Variants in IDO2 observed in about 807,000 individuals in gnomAD.
IDO2 encodes the protein indoleamine 2,3-dioxygenase-like 1 protein.
In IDO2, 46 loss-of-function variants were observed where a neutral mutation model predicts 45.1. The ratio of observed to expected loss-of-function variants is 1.02; its 90% CI spans 0.80 to 1.30. The LOEUF is 1.30. Ranked by LOEUF, IDO2 falls within the 50% of genes most tolerant of loss-of-function variation. The pLI is 0.00. For missense variants in IDO2, 544 were observed against 491.8 expected (o/e 1.11, Z -1.00); for synonymous variants, 218 against 184.9 (o/e 1.18, Z -1.45).
At chr8:39,967,373 G>A (rs1296540124) in intron 3 of IDO2, among the ~76,000 whole-genome samples, 3 of 152,122 alleles carry the variant, frequency 2.0e-5, no homozygotes, top group East Asian at 3.9e-4. Flanking sequence ...ATAAAATTGT[G>A]AATTTTCTAG....
At chr8:39,968,078 CAAA>C (rs35600937) in intron 3 of IDO2, among the ~76,000 whole-genome samples, 2 of 139,218 alleles carry the variant, frequency 1.4e-5, no homozygotes, top group Non-Finnish European at 1.6e-5. Context: ...TCATAATCAC[CAAA>C]AAAAAAAAAA....
At chr8:39,968,717 G>A (rs912279770) in intron 3 of IDO2, among the ~76,000 whole-genome samples, 1 of 151,896 alleles carries the variant, frequency 6.6e-6, no homozygotes, top group African/African-American at 2.4e-5. Context: ...TTGTGGGGTG[G>A]GGGGCTAGGG....
chr8:40,013,837 C>T (rs566709191), intron 10 of IDO2, 124 bp downstream of exon 10: 346 of 746,598 alleles, frequency 4.6e-4, no homozygotes, highest in Admixed American at 2.3e-3. Flanking sequence ...TTCTCTAAGT[C>T]AGCCAAGAAA....
At chr8:39,978,270 TTCGGACC>T (rs1808291912) in intron 3 of IDO2, among the ~76,000 whole-genome samples, 1 of 152,096 alleles carries the variant, frequency 6.6e-6, no homozygotes, top group Admixed American at 6.5e-5. Context: ...TTTCTGGCGC[TTCGGACC>T]CGGGAGGGGA....
chr8:39,990,834 C>A (rs1242197846), intron 8 of IDO2, among the ~76,000 whole-genome samples: 1 of 152,156 alleles, frequency 6.6e-6, no homozygotes, highest in East Asian at 1.9e-4. Context: ...CCTTCCTGGA[C>A]CGGTTACATC....
intron 3 of IDO2, among the ~76,000 whole-genome samples, chr8:39,976,581 C>T (rs1808262367): frequency 6.6e-6 from 1 of 152,132 alleles, no homozygotes; most frequent in Non-Finnish European, 1.5e-5. Flanking sequence ...TTATAAGATG[C>T]ATTTCAAAGT....
intron 9 of IDO2, among the ~76,000 whole-genome samples, chr8:40,011,142 C>G (rs1030292565): frequency 8.5e-5 from 13 of 152,166 alleles, no homozygotes; most frequent in Admixed American, 5.9e-4. Context: ...AACTCCTGAC[C>G]TCAATCGATC....
chr8:39,976,497 GGT>G (rs1322049250), intron 3 of IDO2, among the ~76,000 whole-genome samples: 1 of 152,098 alleles, frequency 6.6e-6, no homozygotes, highest in Non-Finnish European at 1.5e-5. Flanking sequence ...CTACTCTTTA[GGT>G]TGTAAATAGA....
At chr8:39,989,869 C>G (rs1182915980) in intron 8 of IDO2, 31 bp downstream of exon 8, 2 of 1,467,372 alleles carry the variant, frequency 1.4e-6, no homozygotes, top group Non-Finnish European at 1.9e-6. Flanking sequence ...CTGAAGGATC[C>G]CCCAGGGGTC....
intron 2 of IDO2, among the ~76,000 whole-genome samples, chr8:39,960,908 G>A (rs945997607): frequency 2.0e-5 from 3 of 152,058 alleles, no homozygotes; most frequent in Non-Finnish European, 4.4e-5. Context: ...TCAGCCTCCC[G>A]AGTAGCTGGG....
chr8:40,013,466 A>G (rs1469158967), intron 9 of IDO2, 99 bp from the exon 10 acceptor site: 37 of 1,202,138 alleles, frequency 3.1e-5, no homozygotes, highest in Non-Finnish European at 4.1e-5. Flanking sequence ...TACCATTGAA[A>G]TCATGTTCCC....
intron 2 of IDO2, among the ~76,000 whole-genome samples, chr8:39,954,380 T>C (rs147602568): frequency 1.2e-3 from 177 of 152,318 alleles, no homozygotes; most frequent in South Asian, 1.9e-3. Context: ...ATCTTCAAGA[T>C]TGTGAAGTCA....
At chr8:39,940,074 C>A (rs1807620791) in intron 1 of IDO2, among the ~76,000 whole-genome samples, 1 of 152,178 alleles carries the variant, frequency 6.6e-6, no homozygotes. Flanking sequence ...CCCAGCCTTA[C>A]TGTTACGAAA....
At chr8:39,988,954 G>C (rs1012519612) in intron 7 of IDO2, among the ~76,000 whole-genome samples, 11 of 152,138 alleles carry the variant, frequency 7.2e-5, no homozygotes, top group Admixed American at 3.3e-4. Flanking sequence ...CAGCAGAGGG[G>C]ATTCTAGAGC....
intron 2 of IDO2, among the ~76,000 whole-genome samples, chr8:39,961,721 G>A (rs1052277891): frequency 2.6e-5 from 4 of 152,140 alleles, no homozygotes; most frequent in Admixed American, 2.0e-4. Flanking sequence ...GTAATTTAAT[G>A]TCAATATATT....
exon 11 of IDO2, chr8:40,015,853 A>C: frequency 2.2e-6 from 1 of 445,758 alleles, no homozygotes; most frequent in East Asian, 3.4e-5. Flanking sequence ...CCTCATGCAG[A>C]ACCCCCAGAG....
chr8:39,944,104 T>C (rs145019462), intron 1 of IDO2, among the ~76,000 whole-genome samples: 3 of 152,200 alleles, frequency 2.0e-5, no homozygotes, highest in South Asian at 4.1e-4. Flanking sequence ...TTAGCTTTCA[T>C]ATTTATCTTA....
chr8:39,963,640 G>A (rs1230735922), exon 3 of IDO2: 1 of 1,611,758 alleles, frequency 6.2e-7, no homozygotes, highest in Non-Finnish European at 8.5e-7. Context: ...GGCCTTGGAT[G>A]GAAATTGCCA....
rs1808414201 is a variant in IDO2, at chr8:39,985,827, C to T, written c.449+305C>T. On this transcript the variant is annotated intron_variant, in intron 6 of 10. Coordinates refer to ENST00000502986, the Ensembl canonical transcript of IDO2. ...AAACTTTATCAAATTTCAGTAACTC[C>T]TTGAAGTTTAATTTTTTTTTTGAGA... 1.8e-5 allele frequency: 5 copies of T among 281,844 alleles called. No homozygotes were observed. In the South Asian group the frequency reaches 3.2e-4, roughly 18 times the overall value. 17.5% of individuals were successfully genotyped at this position (281,844 alleles called of 1,614,324 possible). A position where few individuals can be genotyped will look rare whatever the true frequency, so the allele number is the denominator to read the frequency against.
Sources: allele counts gnomAD v4.1 joint callset (sites outside exome capture counted in the v4.1 genomes callset), GRCh38; gene constraint gnomAD v4.1.1; transcripts MANE v1.5; gene names NCBI Gene and HGNC (gene_info 2026-07-23, HGNC 2026-07-21).